NT5DC3: variants seen among roughly 807,000 people sequenced by gnomAD.
The protein encoded by NT5DC3 is 5'-nucleotidase domain containing 3.
NT5DC3 carries 42 observed loss-of-function variants against 67.8 expected under a neutral mutation model. The observed-to-expected ratio is 0.62, with a 90% CI of 0.48 to 0.80. NT5DC3 has a LOEUF of 0.80. Among genes scored for constraint, NT5DC3 ranks in the 30% least tolerant of loss-of-function variants. The pLI, the probability that NT5DC3 is intolerant of heterozygous loss-of-function variation, is 0.00. For synonymous variants in NT5DC3, 237 were observed against 255.6 expected, an observed-to-expected ratio of 0.93 and a Z score of 0.69; for missense variants, 570 against 696.4, an observed-to-expected ratio of 0.82 and a Z score of 2.04.
chr12:103,821,905 G>C (rs556367030), intron 1 of NT5DC3: 1 of 152,272 alleles, frequency 6.6e-6, no homozygotes, highest in Admixed American at 6.5e-5. Flanking sequence ...ATATGCTGTA[G>C]CTGAATACTG....
At position 103,777,602 on chromosome 12, in the gene NT5DC3, T is replaced by C. The variant is rs1885383756; in HGVS notation, c.*227A>G. 1.8e-6 allele frequency: 1 copy of C among 554,086 alleles called. No homozygotes were observed. The highest frequency in any genetic ancestry group is 1.9e-5 in the African/African-American group (1 of 53,300). 34.3% of individuals were successfully genotyped at this position (554,086 alleles called of 1,614,324 possible). A position where few individuals can be genotyped will look rare whatever the true frequency, so the allele number is the denominator to read the frequency against. ...GTAAACAAAAAGGCAAAATCAGAGT[T>C]CCAATGTGAAGCTTGCCTTTCAGCC... On this transcript the variant is annotated 3_prime_UTR_variant, in exon 14 of 14. Transcript: ENST00000392876.
chr12:103,769,950 G>C (rs372481060), downstream of NT5DC3, among the ~76,000 whole-genome samples: 3 of 152,238 alleles, frequency 2.0e-5, no homozygotes, highest in Non-Finnish European at 4.4e-5. Context: ...AAAGTAATGC[G>C]AAGGATTGGG....
chr12:103,807,072 C>T, intron 2 of NT5DC3, 143 bp from the exon 3 acceptor site: 2 of 585,974 alleles, frequency 3.4e-6, no homozygotes, highest in Non-Finnish European at 6.2e-6. Context: ...ACAGCTTGTC[C>T]CTCTGCTTCC....
the NT5DC3 span, among the ~76,000 whole-genome samples, chr12:103,764,309 G>A: frequency 2.0e-5 from 3 of 152,318 alleles, no homozygotes; most frequent in African/African-American, 7.2e-5. Flanking sequence ...TTTACTGCTT[G>A]TTGTCAGAGC....
intron 1 of NT5DC3, among the ~76,000 whole-genome samples, chr12:103,826,814 A>G (rs895510914): frequency 1.8e-4 from 27 of 152,256 alleles, no homozygotes; most frequent in African/African-American, 6.3e-4. Flanking sequence ...CTATTAATCC[A>G]GACACCACAG....
At chr12:103,804,021 T>C (rs1055236257) in intron 4 of NT5DC3, among the ~76,000 whole-genome samples, 1 of 152,096 alleles carries the variant, frequency 6.6e-6, no homozygotes, top group African/African-American at 2.4e-5. Context: ...GGCAAGTTAC[T>C]TAACACCTCT....
At chr12:103,821,204 A>T (rs1472650073) in intron 1 of NT5DC3, among the ~76,000 whole-genome samples, 1 of 152,166 alleles carries the variant, frequency 6.6e-6, no homozygotes, top group Non-Finnish European at 1.5e-5. Flanking sequence ...CCCCCAGTAG[A>T]CTCTGCAAGA....
chr12:103,763,655 G>T, the NT5DC3 span: 1 of 1,506,730 alleles, frequency 6.6e-7, no homozygotes, highest in East Asian at 2.3e-5. Flanking sequence ...GGGGTACAGG[G>T]GAATGATGTC....
At chr12:103,755,975 A>C in the NT5DC3 span, among the ~76,000 whole-genome samples, 1 of 152,190 alleles carries the variant, frequency 6.6e-6, no homozygotes, top group Admixed American at 6.5e-5. Flanking sequence ...GGTCATTGTG[A>C]TCATTAAATG....
At chr12:103,796,838 C>G in intron 6 of NT5DC3, 56 bp downstream of exon 6, 2 of 1,595,054 alleles carry the variant, frequency 1.3e-6, no homozygotes, top group South Asian at 2.2e-5. Flanking sequence ...CTCTGTGACT[C>G]CCACTGAAAA....
the NT5DC3 span, chr12:103,762,432 G>A: frequency 6.2e-7 from 1 of 1,614,060 alleles, no homozygotes; most frequent in East Asian, 2.2e-5. Context: ...ACATGATGAT[G>A]GGGTCCTCTC....
chr12:103,763,499 A>T, the NT5DC3 span: 1 of 1,614,066 alleles, frequency 6.2e-7, no homozygotes. Flanking sequence ...CAGTCGGAAG[A>T]GGACATTAAT....
At chr12:103,755,656 T>G in the NT5DC3 span, 3 of 1,614,180 alleles carry the variant, frequency 1.9e-6, no homozygotes, top group African/African-American at 2.7e-5. Context: ...AGATGGCTTC[T>G]CATGCAGTGG....
chr12:103,753,956 C>G, the NT5DC3 span, among the ~76,000 whole-genome samples: 3 of 152,322 alleles, frequency 2.0e-5, no homozygotes, highest in African/African-American at 7.2e-5. Flanking sequence ...AAACGGAGCT[C>G]TTTGATCAGG....
chr12:103,755,573 C>G, the NT5DC3 span: 1 of 1,612,892 alleles, frequency 6.2e-7, no homozygotes, highest in Non-Finnish European at 8.5e-7. Context: ...CTGGCCCCTG[C>G]CTTACTTGTG....
the NT5DC3 span, among the ~76,000 whole-genome samples, chr12:103,758,706 G>A: frequency 6.6e-6 from 1 of 152,252 alleles, no homozygotes; most frequent in African/African-American, 2.4e-5. Flanking sequence ...GGGGTGCAGG[G>A]AGTGGGGAAG....
At chr12:103,762,207 C>T in the NT5DC3 span, 3 of 1,594,388 alleles carry the variant, frequency 1.9e-6, no homozygotes, top group East Asian at 4.5e-5. Context: ...CCTCGGGCCA[C>T]CAAGGGTTCC....
At chr12:103,754,845 T>C in the NT5DC3 span, among the ~76,000 whole-genome samples, 3 of 151,064 alleles carry the variant, frequency 2.0e-5, no homozygotes, top group South Asian at 2.1e-4. Context: ...ACCCAGGAGG[T>C]TGAGACAGGA....
chr12:103,840,644 C>A (rs1350651879), intron 1 of NT5DC3, among the ~76,000 whole-genome samples: 1 of 152,144 alleles, frequency 6.6e-6, no homozygotes, highest in Non-Finnish European at 1.5e-5. Flanking sequence ...GGAACCCCAG[C>A]CCCGCGCGGC....
Sources: gnomAD v4.1 joint callset for allele counts (sites outside exome capture counted in the v4.1 genomes callset) on GRCh38, gnomAD v4.1.1 for gene constraint, MANE v1.5 for transcripts, NCBI Gene and HGNC (gene_info 2026-07-23, HGNC 2026-07-21) for gene names.